REDIC1: variants seen among roughly 807,000 people sequenced by gnomAD.
REDIC1 encodes regulator of DNA class I crossover intermediates 1.
chr12:39,711,456 CAT>C, the REDIC1 span, among the ~76,000 whole-genome samples: 5 of 139,738 alleles, frequency 3.6e-5, no homozygotes, highest in African/African-American at 5.3e-5. Flanking sequence ...CATATATACA[CAT>C]ATACACATAC....
chr12:39,774,921 G>T, the REDIC1 span, among the ~76,000 whole-genome samples: 251 of 152,254 alleles, frequency 1.6e-3, 1 homozygote, highest in African/African-American at 5.9e-3. Flanking sequence ...AAGGTGATGA[G>T]ACTATAGCAA....
At chr12:39,701,326 A>G in the REDIC1 span, among the ~76,000 whole-genome samples, 7 of 152,200 alleles carry the variant, frequency 4.6e-5, no homozygotes, top group Admixed American at 4.6e-4. Context: ...AACAGAGATC[A>G]AAAGAGACAA....
the REDIC1 span, among the ~76,000 whole-genome samples, chr12:39,858,238 G>T: frequency 1.3e-5 from 2 of 152,320 alleles, no homozygotes; most frequent in African/African-American, 4.8e-5. Flanking sequence ...CACAGGATGA[G>T]ATTTATGTGG....
At chr12:39,837,818 A>G in the REDIC1 span, among the ~76,000 whole-genome samples, 2 of 152,024 alleles carry the variant, frequency 1.3e-5, no homozygotes, top group African/African-American at 2.4e-5. Flanking sequence ...TTAGAATGGC[A>G]ATCATTAAAA....
chr12:39,698,912 A>G, the REDIC1 span, among the ~76,000 whole-genome samples: 2 of 152,222 alleles, frequency 1.3e-5, no homozygotes, highest in African/African-American at 2.4e-5. Context: ...TAAACACCTT[A>G]GCTATATATC....
chr12:39,816,660 G>A, the REDIC1 span, among the ~76,000 whole-genome samples: 8 of 146,936 alleles, frequency 5.4e-5, no homozygotes. Flanking sequence ...GTATTTTAGG[G>A]TATAAAGGAA....
At chr12:39,657,725 C>G in the REDIC1 span, among the ~76,000 whole-genome samples, 1 of 152,244 alleles carries the variant, frequency 6.6e-6, no homozygotes, top group East Asian at 1.9e-4. Context: ...CACTTTCTCT[C>G]TCATTAATGA....
the REDIC1 span, among the ~76,000 whole-genome samples, chr12:39,773,534 C>G: frequency 2.0e-5 from 3 of 152,198 alleles, no homozygotes; most frequent in Non-Finnish European, 4.4e-5. Flanking sequence ...AATGTTACCT[C>G]TCCATCATTT....
At chr12:39,873,658 A>G in the REDIC1 span, among the ~76,000 whole-genome samples, 1 of 152,222 alleles carries the variant, frequency 6.6e-6, no homozygotes, top group Non-Finnish European at 1.5e-5. Context: ...TTAAAACAGA[A>G]GCTATTTTGA....
the REDIC1 span, among the ~76,000 whole-genome samples, chr12:39,694,005 G>A: frequency 2.6e-4 from 40 of 152,256 alleles, no homozygotes; most frequent in Non-Finnish European, 5.1e-4. Context: ...ACAGGGGGAC[G>A]GATAGATAGA....
chr12:39,879,886 T>A, the REDIC1 span, among the ~76,000 whole-genome samples: 7 of 152,160 alleles, frequency 4.6e-5, no homozygotes, highest in Non-Finnish European at 1.0e-4. Context: ...TTTGTCCCCA[T>A]GCAAATCTCA....
the REDIC1 span, among the ~76,000 whole-genome samples, chr12:39,649,961 G>GT: frequency 4.6e-5 from 7 of 151,198 alleles, no homozygotes; most frequent in Non-Finnish European, 8.9e-5. Flanking sequence ...GTGTTTTTTT[G>GT]TTTTTTTATT....
chr12:39,872,418 G>C, the REDIC1 span, among the ~76,000 whole-genome samples: 228 of 152,314 alleles, frequency 1.5e-3, no homozygotes, highest in African/African-American at 5.3e-3. Context: ...TCTGGGACAA[G>C]TGAAGGAACG....
the REDIC1 span, among the ~76,000 whole-genome samples, chr12:39,629,134 T>A: frequency 6.6e-6 from 1 of 152,286 alleles, no homozygotes; most frequent in African/African-American, 2.4e-5. Flanking sequence ...AGGGAAACAA[T>A]CGAACACTGG....
chr12:39,907,612 A>C, the REDIC1 span: 2 of 152,256 alleles, frequency 1.3e-5, no homozygotes, highest in South Asian at 4.1e-4. Flanking sequence ...GAGTGTTAAG[A>C]TTACAATTCC....
the REDIC1 span, among the ~76,000 whole-genome samples, chr12:39,773,413 A>G: frequency 6.6e-6 from 1 of 152,204 alleles, no homozygotes; most frequent in Admixed American, 6.5e-5. Context: ...AACTCCCTTT[A>G]GTAATAACAT....
the REDIC1 span, among the ~76,000 whole-genome samples, chr12:39,841,994 C>A: frequency 4.6e-5 from 7 of 152,002 alleles, no homozygotes; most frequent in African/African-American, 1.7e-4. Flanking sequence ...TCATTTAATT[C>A]TTACATTGGC....
chr12:39,895,377 C>T, the REDIC1 span, among the ~76,000 whole-genome samples: 1 of 150,252 alleles, frequency 6.7e-6, no homozygotes, highest in African/African-American at 2.4e-5. Flanking sequence ...GTAGTCCCAG[C>T]TACTTGGCAG....
chr12:39,643,801 T>G, the REDIC1 span: 1 of 1,548,580 alleles, frequency 6.5e-7, no homozygotes, highest in African/African-American at 1.4e-5. Flanking sequence ...AAACACAGGT[T>G]AAAATCAAAA....
Sources: gnomAD v4.1 joint callset for allele counts (sites outside exome capture counted in the v4.1 genomes callset) on GRCh38, gnomAD v4.1.1 for gene constraint, MANE v1.5 for transcripts, NCBI Gene and HGNC (gene_info 2026-07-23, HGNC 2026-07-21) for gene names.